Variants in WWOX observed in about 807,000 individuals in gnomAD.
WWOX encodes the protein WW domain-containing oxidoreductase.
WWOX carries 69 observed loss-of-function variants against 46.2 expected under a neutral mutation model. The ratio of observed to expected loss-of-function variants is 1.49; its 90% confidence interval spans 1.23 to 1.82. WWOX has a LOEUF of 1.82. WWOX is among the 40% of genes most tolerant of loss of function. WWOX has a pLI of 0.00. For missense variants in WWOX, 919 were observed against 542.6 expected, an observed-to-expected ratio of 1.69 and a Z score of -6.89; for synonymous variants, 359 against 202.6, an observed-to-expected ratio of 1.77 and a Z score of -6.56.
intron 5 of WWOX, among the ~76,000 whole-genome samples, chr16:78,279,145 G>A (rs1466044192): frequency 2.6e-5 from 4 of 152,076 alleles, no homozygotes; most frequent in African/African-American, 4.8e-5. Context: ...AAAAACCATG[G>A]GGGATTGAAA....
At chr16:78,595,766 C>T (rs2045474632) in intron 8 of WWOX, among the ~76,000 whole-genome samples, 1 of 152,226 alleles carries the variant, frequency 6.6e-6, no homozygotes, top group Admixed American at 6.5e-5. Context: ...GCATAGCCAT[C>T]ATCTCAAACC....
intron 8 of WWOX, among the ~76,000 whole-genome samples, chr16:79,032,382 A>G (rs2047780921): frequency 1.4e-5 from 2 of 145,092 alleles, no homozygotes; most frequent in South Asian, 2.1e-4. Flanking sequence ...AATATATTCT[A>G]TGTAATATAT....
intron 8 of WWOX, among the ~76,000 whole-genome samples, chr16:79,036,595 C>G (rs533876735): frequency 9.2e-5 from 14 of 152,314 alleles, no homozygotes; most frequent in South Asian, 8.3e-4. Flanking sequence ...GATGAATGAT[C>G]TGTCCTTCTA....
chr16:78,906,499 C>G (rs904711258), intron 8 of WWOX, among the ~76,000 whole-genome samples: 3 of 152,160 alleles, frequency 2.0e-5, no homozygotes, highest in African/African-American at 7.2e-5. Flanking sequence ...CATCTCTTCA[C>G]TTGTGCTGTG....
At position 78,259,571 on chromosome 16, in the gene WWOX, G is replaced by A. The variant is rs578038038; in HGVS notation, c.516+95282G>A. On this transcript the variant is annotated intron_variant, in intron 5 of 8. Transcript: ENST00000566780. ...GGGCTCAAGTGATCCACCCACCTTGGCTTCCCAAAGTGCTGGGATTACAGG... is the reference window on the plus strand; with the variant it reads ...GGGCTCAAGTGATCCACCCACCTTGACTTCCCAAAGTGCTGGGATTACAGG... 7.7e-4 allele frequency among the ~76,000 whole-genome samples: 117 copies of A among 151,674 alleles called. 5 individuals carry two copies. The highest frequency in any genetic ancestry group is 2.7e-3 in the African/African-American group (110 of 41,268).
chr16:78,847,874 G>T (rs1207974605), intron 8 of WWOX, among the ~76,000 whole-genome samples: 3 of 152,148 alleles, frequency 2.0e-5, no homozygotes, highest in Non-Finnish European at 4.4e-5. Flanking sequence ...AGCAGCAGAG[G>T]CATGACAAGC....
intron 4 of WWOX, among the ~76,000 whole-genome samples, chr16:78,151,616 C>T (rs1051382390): frequency 6.6e-6 from 1 of 152,174 alleles, no homozygotes; most frequent in Non-Finnish European, 1.5e-5. Flanking sequence ...TAGGCTCCTC[C>T]CTTTTTTTCT....
intron 8 of WWOX, among the ~76,000 whole-genome samples, chr16:79,201,943 TCAAA>T (rs1299508104): frequency 6.6e-6 from 1 of 152,234 alleles, no homozygotes; most frequent in Non-Finnish European, 1.5e-5. Flanking sequence ...CCATGATCCA[TCAAA>T]CACACAAGTT....
chr16:79,074,807 T>A (rs1225340506), intron 8 of WWOX, among the ~76,000 whole-genome samples: 1 of 152,138 alleles, frequency 6.6e-6, no homozygotes, highest in Non-Finnish European at 1.5e-5. Context: ...GATGTAACCA[T>A]TTCCATTCTG....
rs531330206 is a variant in WWOX at position 78,823,748 on chromosome 16, A to G, written c.1057-387860A>G. On this transcript the variant is annotated intron_variant, in intron 8 of 8. Transcript: ENST00000566780. ...TTTGCTGTTTCTCTAAGGGGATGGA[A>G]GGATTGGCTACCCTGAGCTTTCTAG... 3.3e-5 allele frequency among the ~76,000 whole-genome samples: 5 copies of G among 151,734 alleles called. No individual in the cohort carries two copies. In the East Asian group the frequency reaches 7.8e-4, roughly 24 times the overall value.
intron 8 of WWOX, among the ~76,000 whole-genome samples, chr16:78,638,147 G>A (rs961880101): frequency 6.6e-6 from 1 of 152,086 alleles, no homozygotes; most frequent in African/African-American, 2.4e-5. Flanking sequence ...CCTCAACACT[G>A]TTTCCCATGG....
At chr16:79,166,375 T>A (rs1057280236) in intron 8 of WWOX, among the ~76,000 whole-genome samples, 40 of 152,306 alleles carry the variant, frequency 2.6e-4, no homozygotes, top group African/African-American at 8.4e-4. Flanking sequence ...AAATCCTTCT[T>A]AGTTTGCAGC....
At chr16:79,091,882 G>C (rs1275190606) in intron 8 of WWOX, among the ~76,000 whole-genome samples, 1 of 143,580 alleles carries the variant, frequency 7.0e-6, no homozygotes, top group Non-Finnish European at 1.5e-5. Flanking sequence ...CTGGGTTCAA[G>C]TGATTCTCCT....
chr16:78,599,932 T>G (rs2045581183), intron 8 of WWOX, among the ~76,000 whole-genome samples: 1 of 152,246 alleles, frequency 6.6e-6, no homozygotes, highest in South Asian at 2.1e-4. Flanking sequence ...TTAGTCTGTT[T>G]CCTTGCTGTT....
chr16:78,151,725 G>A (rs1253480323), intron 4 of WWOX, among the ~76,000 whole-genome samples: 1 of 152,152 alleles, frequency 6.6e-6, no homozygotes, highest in African/African-American at 2.4e-5. Flanking sequence ...CCTATAGCAG[G>A]CATGTATGCA....
chr16:78,893,218 C>T (rs1250441979), intron 8 of WWOX, among the ~76,000 whole-genome samples: 1 of 152,052 alleles, frequency 6.6e-6, no homozygotes, highest in Admixed American at 6.5e-5. Flanking sequence ...GGGGATGCCC[C>T]TCTTGACCAT....
chr16:78,994,694 G>C (rs1265796609), intron 8 of WWOX, among the ~76,000 whole-genome samples: 1 of 152,106 alleles, frequency 6.6e-6, no homozygotes, highest in South Asian at 2.1e-4. Context: ...ACAGTGGGGG[G>C]TGGAATCAAA....
chr16:78,904,726 C>G (rs1477394940), intron 8 of WWOX, among the ~76,000 whole-genome samples: 1 of 152,192 alleles, frequency 6.6e-6, no homozygotes, highest in African/African-American at 2.4e-5. Flanking sequence ...GTCAAGATAT[C>G]TGGTCACCCT....
At chr16:78,637,174 C>T (rs1289567379) in intron 8 of WWOX, among the ~76,000 whole-genome samples, 6 of 152,180 alleles carry the variant, frequency 3.9e-5, no homozygotes, top group African/African-American at 1.4e-4. Context: ...GTAATCCCGG[C>T]ACTTTGGGAG....
Sources: allele counts gnomAD v4.1 joint callset (sites outside exome capture counted in the v4.1 genomes callset), GRCh38; gene constraint gnomAD v4.1.1; transcripts MANE v1.5; gene names NCBI Gene and HGNC (gene_info 2026-07-23, HGNC 2026-07-21).